ZFPM2: variants seen among roughly 807,000 people sequenced by gnomAD.
ZFPM2 encodes zinc finger protein, FOG family member 2.
In ZFPM2, 20 loss-of-function variants were observed where a neutral mutation model predicts 98.6. That is an observed-to-expected ratio of 0.20 (90% CI 0.14 to 0.29). The LOEUF (loss-of-function observed/expected upper bound fraction) is 0.29. ZFPM2 is among the 10% of genes least tolerant of loss of function. The pLI is 1.00. For missense variants in ZFPM2, 1,310 were observed against 1,388.6 expected, an observed-to-expected ratio of 0.94 and a Z score of 0.90; for synonymous variants, 518 against 502.7, an observed-to-expected ratio of 1.03 and a Z score of -0.41.
At chr8:105,693,980 C>CTTTTTTTTT (rs376834507) in intron 5 of ZFPM2, among the ~76,000 whole-genome samples, 8 of 118,412 alleles carry the variant, frequency 6.8e-5, no homozygotes, top group East Asian at 2.5e-4. Flanking sequence ...TTTTTCTTTT[C>CTTTTTTTTT]TTTTTTTTTT....
In ZFPM2 at chr8:105,798,925, A is replaced by G; in HGVS notation, c.941A>G (p.Glu314Gly). Residue 314 changes from glutamate (E) to glycine (G), a missense_variant, in exon 7 of 8, where the codon GAA becomes GGA. Transcript: ENST00000407775. ...TKSFSNARAL[E>G]MHLNSHSGVK... Reference sequence around the variant, plus strand: ...AGCTTTTCAAATGCTCGAGCTCTAGAAATGCACCTGAATTCACACAGTGGT... The same window carrying G: ...AGCTTTTCAAATGCTCGAGCTCTAGGAATGCACCTGAATTCACACAGTGGT... The G allele has an allele frequency of 6.2e-7, 1 of 1,613,892 alleles. No homozygotes were observed. The highest frequency in any genetic ancestry group is 8.5e-7 in the Non-Finnish European group (1 of 1,179,782).
intron 3 of ZFPM2, among the ~76,000 whole-genome samples, chr8:105,553,175 C>T (rs1814903771): frequency 1.3e-5 from 2 of 151,914 alleles, no homozygotes; most frequent in Non-Finnish European, 2.9e-5. Context: ...TACTGCCTAC[C>T]CACATATTTC....
rs1417824341 is a variant in ZFPM2 at position 105,803,732 on chromosome 8, ATTAAT to A, written c.*198_*202del. Reference sequence around the variant, plus strand: ...TATTATTGGTGCCATTTTCAAAAAAATTAATTTATTTTACCAGCAGTATTCATAGC... The same window carrying A: ...TATTATTGGTGCCATTTTCAAAAAAATTATTTTACCAGCAGTATTCATAGC... On this transcript the variant is annotated 3_prime_UTR_variant, in exon 8 of 8. Coordinates refer to ENST00000407775, the MANE Select transcript of ZFPM2 (RefSeq NM_012082.4). 12 of 579,748 alleles carry A rather than the reference ATTAAT, an allele frequency of 2.1e-5. 1 individual carries two copies. The highest frequency in any genetic ancestry group is 8.8e-5 in the East Asian group (3 of 34,152). The allele number at this position is 579,748 out of a possible 1,614,324, so 35.9% of individuals were successfully genotyped here. A position where few individuals can be genotyped will look rare whatever the true frequency, so the allele number is the denominator to read the frequency against.
intron 3 of ZFPM2, among the ~76,000 whole-genome samples, chr8:105,483,293 G>C (rs1813161060): frequency 6.6e-6 from 1 of 151,996 alleles, no homozygotes; most frequent in South Asian, 2.1e-4. Context: ...CTATATTAAA[G>C]TTTATGTTCA....
intron 5 of ZFPM2, among the ~76,000 whole-genome samples, chr8:105,667,812 T>G (rs1817518216): frequency 6.6e-6 from 1 of 152,234 alleles, no homozygotes; most frequent in African/African-American, 2.4e-5. Context: ...TAAAAACATT[T>G]TATTTGTATT....
In ZFPM2 at chr8:105,566,211, G is replaced by A. The variant is rs9642800; in HGVS notation, c.420+4730G>A. Reference sequence around the variant, plus strand: ...ATTAAAATGAACCATCACAGGCTCCGAAGGTCTGCACTACCTTGCAAGTTT... The same window carrying A: ...ATTAAAATGAACCATCACAGGCTCCAAAGGTCTGCACTACCTTGCAAGTTT... On this transcript the variant is annotated intron_variant, in intron 4 of 7. Coordinates refer to ENST00000407775, the MANE Select transcript of ZFPM2 (RefSeq NM_012082.4). Among the ~76,000 whole-genome samples the A allele has an allele frequency of 4.8e-4, 73 of 152,216 alleles. 2 individuals carry two copies. In the East Asian group the frequency reaches 0.014, roughly 29 times the overall value.
intron 5 of ZFPM2, among the ~76,000 whole-genome samples, chr8:105,681,981 T>C (rs1810616400): frequency 6.6e-6 from 1 of 152,174 alleles, no homozygotes; most frequent in African/African-American, 2.4e-5. Context: ...TGATACAGTG[T>C]AGCTTCTCAA....
chr8:105,456,952 C>A, intron 3 of ZFPM2, among the ~76,000 whole-genome samples: 1 of 152,224 alleles, frequency 6.6e-6, no homozygotes, highest in South Asian at 2.1e-4. Flanking sequence ...TGCGCCTGGC[C>A]GTGTTATTTC....
intron 5 of ZFPM2, chr8:105,785,332 C>CACA (rs1407251360): frequency 3.3e-5 from 5 of 150,758 alleles, no homozygotes; most frequent in African/African-American, 1.2e-4. Flanking sequence ...ACAACACACA[C>CACA]ACACGCACAC....
rs567549653 is a variant in ZFPM2 at position 105,627,005 on chromosome 8, C to G, written c.421-7241C>G. On this transcript the variant is annotated intron_variant, in intron 4 of 7. Coordinates refer to ENST00000407775, the MANE Select transcript of ZFPM2 (RefSeq NM_012082.4). ...ATTTTCCTATGACTTTTGGCTCTTT[C>G]TAACCCTCCTTTTGGAAATCCTCAA... Among the ~76,000 whole-genome samples, 11 of 152,268 alleles carry G rather than the reference C, an allele frequency of 7.2e-5. No individual in the cohort carries two copies. The East Asian group carries it at 1.9e-3, about 27-fold the overall frequency.
At chr8:105,666,834 T>G (rs1817499047) in intron 5 of ZFPM2, among the ~76,000 whole-genome samples, 1 of 151,038 alleles carries the variant, frequency 6.6e-6, no homozygotes. Flanking sequence ...ACAGTGTTAC[T>G]TAAGAATGTT....
chr8:105,743,575 A>G (rs73305093), intron 5 of ZFPM2, among the ~76,000 whole-genome samples: 10,072 of 151,846 alleles, frequency 0.066, 1,131 homozygotes, highest in African/African-American at 0.23. Flanking sequence ...CATGGCAGGG[A>G]GTCTCACATG....
At chr8:105,326,668 T>A (rs1812120355) in intron 1 of ZFPM2, among the ~76,000 whole-genome samples, 1 of 151,668 alleles carries the variant, frequency 6.6e-6, no homozygotes, top group Admixed American at 6.6e-5. Context: ...AATATAATAG[T>A]TAATATTAAG....
chr8:105,559,279 TA>T (rs1196782618), intron 3 of ZFPM2, among the ~76,000 whole-genome samples: 6 of 152,206 alleles, frequency 3.9e-5, no homozygotes, highest in African/African-American at 1.4e-4. Context: ...ACTTAGGCAT[TA>T]ATATGTTATT....
chr8:105,480,436 A>G (rs1198299699), intron 3 of ZFPM2, among the ~76,000 whole-genome samples: 1 of 152,198 alleles, frequency 6.6e-6, no homozygotes, highest in Non-Finnish European at 1.5e-5. Context: ...TATTGTCACC[A>G]GTATCATTGT....
At chr8:105,565,245 T>A (rs1385441141) in intron 4 of ZFPM2, among the ~76,000 whole-genome samples, 2 of 152,098 alleles carry the variant, frequency 1.3e-5, no homozygotes, top group Non-Finnish European at 2.9e-5. Flanking sequence ...TAGAACATTT[T>A]AAAAAACACA....
intron 3 of ZFPM2, 86 bp from the exon 4 acceptor site, chr8:105,561,275 CAT>C: frequency 1.1e-6 from 1 of 941,858 alleles, no homozygotes; most frequent in Non-Finnish European, 1.7e-6. Flanking sequence ...CTGAGAATAT[CAT>C]GTGTGTAAAG....
At position 105,769,071 on chromosome 8, in the gene ZFPM2, G is replaced by A. The variant is rs1000269503; in HGVS notation, c.533-19647G>A. Among the ~76,000 whole-genome samples the A allele has an allele frequency of 1.3e-4, 20 of 151,946 alleles. 1 individual carries two copies. The highest frequency in any genetic ancestry group is 1.2e-3 in the Admixed American group (18 of 15,232). Reference sequence around the variant, plus strand: ...TTTTATTTGGAAGTTTGAAGAAAACGTTTTAGCTCAGGTTTCTTTCTGCAA... The same window carrying A: ...TTTTATTTGGAAGTTTGAAGAAAACATTTTAGCTCAGGTTTCTTTCTGCAA... On this transcript the variant is annotated intron_variant, in intron 5 of 7. Transcript: ENST00000407775.
At chr8:105,403,274 A>G (rs969569382) in intron 1 of ZFPM2, among the ~76,000 whole-genome samples, 2 of 152,036 alleles carry the variant, frequency 1.3e-5, no homozygotes, top group Non-Finnish European at 1.5e-5. Flanking sequence ...GTAGGATTAT[A>G]TATTATTAGT....
Sources: allele counts gnomAD v4.1 joint callset (sites outside exome capture counted in the v4.1 genomes callset), GRCh38; gene constraint gnomAD v4.1.1; transcripts MANE v1.5; gene names NCBI Gene and HGNC (gene_info 2026-07-23, HGNC 2026-07-21).